The following ZNF544 variants were observed in gnomAD, a reference collection of about 807,000 sequenced individuals.
ZNF544 encodes the protein zinc finger protein AF020591.
Under a neutral mutation model 13.5 loss-of-function variants are expected in ZNF544, and 10 were observed. The observed-to-expected ratio is 0.74, with a 90% CI of 0.46 to 1.25. ZNF544 has a LOEUF of 1.25. ZNF544 is among the 50% of genes most tolerant of loss of function. ZNF544 has a pLI of 0.00. For missense variants in ZNF544, 896 were observed against 845.6 expected (o/e 1.06, Z -0.74); for synonymous variants, 323 against 300.5 (o/e 1.07, Z -0.77).
intron 3 of ZNF544, among the ~76,000 whole-genome samples, chr19:58,232,500 A>G (rs73566790): frequency 0.11 from 17,163 of 151,450 alleles, 2,641 homozygotes; most frequent in African/African-American, 0.35. Flanking sequence ...ACAAGTGTAC[A>G]CCACTACACC....
At position 58,262,581 on chromosome 19, in the gene ZNF544, C is replaced by T. The variant is rs537607717; in HGVS notation, c.1975C>T (p.Pro659Ser). 3 of 1,614,180 alleles carry T rather than the reference C, an allele frequency of 1.9e-6. No homozygotes were observed. The highest frequency in any genetic ancestry group is 1.3e-5 in the African/African-American group (1 of 75,050). The change falls in exon 7 of 7, where the codon CCT (proline) becomes TCT (serine). Residue 659 changes from proline to serine, a missense_variant. Pro to Ser is a moderately conservative substitution (Grantham distance 74). Transcript: ENST00000687789. ...MHQRTHTGEKPFECSQCGKAF... is the reference protein window; with the variant it reads ...MHQRTHTGEKSFECSQCGKAF... ...TCAGAGAACTCACACTGGTGAGAAA[C>T]CTTTTGAGTGTAGTCAGTGTGGGAA...
rs1219873129 is a variant in ZNF544 at position 58,228,932 on chromosome 19, G to C, written c.-246G>C. On this transcript the variant is annotated 5_prime_UTR_variant, in exon 1 of 7. Transcript: ENST00000687789. ...GCCGGCCACCGGAAGCACCGCCATT[G>C]GCCGGTGCGTGCAGGTGAGTCTGGC... 6.6e-6 allele frequency: 1 copy of C among 152,338 alleles called. No homozygotes were observed. The highest frequency in any genetic ancestry group is 1.5e-5 in the Non-Finnish European group (1 of 68,110). The allele number at this position is 152,338 out of a possible 1,614,324, so 9.4% of individuals were successfully genotyped here.
At chr19:58,276,474 T>A (rs2051230982) in intron 6 of ZNF544, 3 of 1,164,138 alleles carry the variant, frequency 2.6e-6, no homozygotes, top group Non-Finnish European at 3.2e-6. Context: ...ATTTTTATTT[T>A]ATTTTATTTT....
intron 1 of ZNF544, chr19:58,229,222 T>A (rs2040600648): frequency 1.4e-5 from 2 of 147,558 alleles, no homozygotes; most frequent in Non-Finnish European, 1.5e-5. Context: ...GCTCTCCTGC[T>A]GCAGAGCTGG....
At chr19:58,258,959 G>T (rs1031293786) in intron 6 of ZNF544, 40 of 152,244 alleles carry the variant, frequency 2.6e-4, no homozygotes, top group African/African-American at 8.9e-4. Context: ...CAACAGAGAG[G>T]AATCCCCACC....
Position 58,261,917 on chromosome 19 carries a change from G to C in ZNF544, c.1311G>C (p.Gln437His). 1 of 1,613,430 alleles carries C rather than the reference G, an allele frequency of 6.2e-7. No homozygotes were observed. Among genetic ancestry groups the C allele is most frequent in the Non-Finnish European group, 8.5e-7 (1 of 1,179,912 alleles). ...QRIHTGEKPY[Q>H]CIECRKSFRW... ...TTCACACTGGAGAAAAACCGTATCA[G>C]TGTATTGAATGCAGAAAATCCTTCA... The change falls in exon 7 of 7, where the codon CAG becomes CAC. Residue 437 changes from glutamine (Q) to histidine (H), a missense_variant. By Grantham distance (24) the Gln-to-His change is conservative. Transcript: ENST00000687789.
At chr19:58,246,596 T>C (rs2045271055) in intron 5 of ZNF544, 115 bp from the exon 6 acceptor site, 1 of 1,460,656 alleles carries the variant, frequency 6.8e-7, no homozygotes, top group African/African-American at 1.4e-5. Context: ...TTGTGACTTG[T>C]AGTCCTAACA....
chr19:58,238,928 GGGACACA>G (rs796545597), intron 3 of ZNF544, among the ~76,000 whole-genome samples: 2 of 152,236 alleles, frequency 1.3e-5, no homozygotes, highest in African/African-American at 4.8e-5. Context: ...GAACAGGGAG[GGGACACA>G]GGACACAGGT....
At chr19:58,245,001 T>C (rs1023003656) in intron 4 of ZNF544, among the ~76,000 whole-genome samples, 1 of 151,838 alleles carries the variant, frequency 6.6e-6, no homozygotes, top group Non-Finnish European at 1.5e-5. Flanking sequence ...CAGGCTGGAG[T>C]GCAGTGGCAC....
At chr19:58,243,330 GGA>G (rs1282730508) in intron 3 of ZNF544, among the ~76,000 whole-genome samples, 10 of 151,880 alleles carry the variant, frequency 6.6e-5, no homozygotes, top group Non-Finnish European at 1.5e-4. Context: ...TCAGATGTGT[GGA>G]AGGGTTTGGT....
chr19:58,257,444 A>C (rs1248483893), intron 6 of ZNF544: 1 of 152,230 alleles, frequency 6.6e-6, no homozygotes. Flanking sequence ...GCCCATGACC[A>C]GTCTGATTGG....
At chr19:58,248,336 G>T (rs1397913070) in intron 6 of ZNF544, among the ~76,000 whole-genome samples, 2 of 134,196 alleles carry the variant, frequency 1.5e-5, no homozygotes, top group African/African-American at 2.9e-5. Flanking sequence ...GGGCTTAAGT[G>T]ATCCTCCCAC....
chr19:58,256,332 C>G (rs2047358144), intron 6 of ZNF544, among the ~76,000 whole-genome samples: 1 of 151,636 alleles, frequency 6.6e-6, no homozygotes. Flanking sequence ...TAAAAATACG[C>G]CACACTTTGA....
intron 6 of ZNF544, 30 bp downstream of exon 6, chr19:58,246,824 A>C: frequency 4.5e-4 from 723 of 1,594,416 alleles, no homozygotes; most frequent in Non-Finnish European, 5.7e-4. Context: ...TGAGCAGCTC[A>C]ACGTTTAACA....
intron 6 of ZNF544, 78 bp downstream of exon 6, chr19:58,246,872 C>A: frequency 1.4e-6 from 2 of 1,422,328 alleles, no homozygotes; most frequent in Non-Finnish European, 1.9e-6. Flanking sequence ...CCCCAGGGGC[C>A]AAGGAGGGAG....
chr19:58,244,656 G>A (rs904630975), intron 4 of ZNF544, among the ~76,000 whole-genome samples: 3 of 146,602 alleles, frequency 2.0e-5, no homozygotes, highest in African/African-American at 7.6e-5. Context: ...GCTCACAGCA[G>A]CCTTGAACTC....
intron 5 of ZNF544, among the ~76,000 whole-genome samples, chr19:58,275,810 G>GAAATA (rs1397916855): frequency 1.3e-5 from 1 of 74,128 alleles, no homozygotes; most frequent in African/African-American, 5.6e-5. Context: ...AAAGGAAAGA[G>GAAATA]GAAATAATAG....
rs1485279532 is a variant in ZNF544 at position 58,262,894 on chromosome 19, T to C, written c.*140T>C. 1.2e-5 allele frequency: 17 copies of C among 1,472,420 alleles called. No homozygotes were observed. The highest frequency in any genetic ancestry group is 1.4e-5 in the South Asian group (1 of 69,046). 91.2% of individuals were successfully genotyped at this position (1,472,420 alleles called of 1,614,324 possible). ...GACTCATTGAACATCAGAGGACATA[T>C]CCTGGAGAAAAGCCCTACGAATGCA... On this transcript the variant is annotated 3_prime_UTR_variant, in exon 7 of 7. Coordinates refer to ENST00000687789, the MANE Select transcript of ZNF544 (RefSeq NM_014480.4).
At chr19:58,231,310 C>A (rs1303293962) in intron 3 of ZNF544, among the ~76,000 whole-genome samples, 3 of 152,150 alleles carry the variant, frequency 2.0e-5, no homozygotes, top group Non-Finnish European at 4.4e-5. Flanking sequence ...AGCCACGAGG[C>A]CTCAGTTAAA....
Sources: gnomAD v4.1 joint callset for allele counts (sites outside exome capture counted in the v4.1 genomes callset) on GRCh38, gnomAD v4.1.1 for gene constraint, MANE v1.5 for transcripts, NCBI Gene and HGNC (gene_info 2026-07-23, HGNC 2026-07-21) for gene names.